ZUP1: variants seen among roughly 807,000 people sequenced by gnomAD.
ZUP1 encodes zinc finger-containing ubiquitin peptidase 1.
A neutral mutation model predicts 68.1 loss-of-function variants in ZUP1; 55 were observed. That is an observed-to-expected ratio of 0.81 (90% CI 0.65 to 1.01). The LOEUF (loss-of-function observed/expected upper bound fraction) is 1.01. Among genes scored for constraint, ZUP1 ranks in the 50% least tolerant of loss-of-function variants. ZUP1 has a pLI of 0.00. For synonymous variants in ZUP1, 223 were observed against 221.5 expected (o/e 1.01, Z -0.06); for missense variants, 684 against 674.9 (o/e 1.01, Z -0.15).
chr6:116,640,473 G>C (rs7755942), intron 9 of ZUP1, among the ~76,000 whole-genome samples: 54,806 of 151,490 alleles, frequency 0.36, 10,535 homozygotes, highest in African/African-American at 0.49. Flanking sequence ...AAGCCCATCA[G>C]ACTAACAGCG....
chr6:116,666,669 G>A lies in ZUP1; in HGVS notation c.524C>T (p.Thr175Ile), dbSNP rs771974686. Residue 175 changes from threonine (T) to isoleucine (I), a missense_variant, in exon 2 of 10, where the codon ACA (threonine) becomes ATA (isoleucine). Transcript: ENST00000368576. ...HSEDMETHVKTKHANLLDIPL... is the reference protein window; with the variant it reads ...HSEDMETHVKIKHANLLDIPL... ...AATGTCTAAAAGATTGGCATGCTTT[G>A]TTTTCACATGAGTTTCCATATCTTC... is the stretch of plus-strand genomic sequence containing the variant. 1.1e-5 allele frequency: 17 copies of A among 1,594,968 alleles called. No individual in the cohort carries two copies. The highest frequency in any genetic ancestry group is 3.3e-4 in the Middle Eastern group (2 of 5,994).
intron 9 of ZUP1, among the ~76,000 whole-genome samples, chr6:116,637,565 C>A (rs1775941439): frequency 6.6e-6 from 1 of 152,184 alleles, no homozygotes; most frequent in Admixed American, 6.5e-5. Context: ...GCAGAAAGCA[C>A]ATTTTTAGTA....
At chr6:116,638,728 A>G (rs1412241280) in intron 9 of ZUP1, among the ~76,000 whole-genome samples, 2 of 152,236 alleles carry the variant, frequency 1.3e-5, no homozygotes, top group Non-Finnish European at 2.9e-5. Flanking sequence ...GAATAGGAAC[A>G]GCTCCGGTCT....
intron 9 of ZUP1, among the ~76,000 whole-genome samples, chr6:116,642,238 G>A (rs1389157280): frequency 6.6e-6 from 1 of 152,112 alleles, no homozygotes; most frequent in Non-Finnish European, 1.5e-5. Context: ...TGGATTCACA[G>A]CCGAATTCTA....
intron 7 of ZUP1, among the ~76,000 whole-genome samples, chr6:116,649,858 T>C (rs534658925): frequency 3.1e-4 from 47 of 152,136 alleles, no homozygotes; most frequent in African/African-American, 1.0e-3. Flanking sequence ...ACTAAGGATT[T>C]CCAAAATTAA....
At position 116,651,657 on chromosome 6, in the gene ZUP1, A is replaced by C. The variant is rs764632548; in HGVS notation, c.1231T>G (p.Ser411Ala). The change falls in exon 7 of 10, where the codon TCT becomes GCT. Residue 411 changes from serine to alanine, a missense_variant. Ser to Ala is a moderately conservative substitution (Grantham distance 99). Transcript: ENST00000368576. ...WKEGFDPQGA[S>A]QLNNRLQGTK... ...CCCTGTAACCTGTTATTAAGTTGAG[A>C]GGCCCCCTGAGGATCAAAACCTTCC... 3.7e-6 allele frequency: 6 copies of C among 1,613,864 alleles called. No homozygotes were observed. The highest frequency in any genetic ancestry group is 5.1e-6 in the Non-Finnish European group (6 of 1,179,824).
At chr6:116,659,178 G>A (rs1328607858) in intron 3 of ZUP1, among the ~76,000 whole-genome samples, 1 of 152,180 alleles carries the variant, frequency 6.6e-6, no homozygotes, top group Admixed American at 6.5e-5. Context: ...TGCCCAGGCT[G>A]GAGTACAATG....
rs185501129 is a variant in ZUP1 at position 116,659,975 on chromosome 6, A to G, written c.670+761T>C. Among the ~76,000 whole-genome samples the G allele has an allele frequency of 1.4e-3, 211 of 152,362 alleles. 1 individual carries two copies. The highest frequency in any genetic ancestry group is 4.5e-3 in the African/African-American group (187 of 41,582). On this transcript the variant is annotated intron_variant, in intron 3 of 9. Transcript: ENST00000368576. ...TTATCTACAGTGATTTACTTAGACCATATCTTTTTCTTATTACCCACTATA... is the reference window on the plus strand; with the variant it reads ...TTATCTACAGTGATTTACTTAGACCGTATCTTTTTCTTATTACCCACTATA...
At chr6:116,648,364 T>C (rs1453337735) in intron 7 of ZUP1, among the ~76,000 whole-genome samples, 3 of 152,234 alleles carry the variant, frequency 2.0e-5, no homozygotes, top group Non-Finnish European at 4.4e-5. Flanking sequence ...TTGTTTCTCT[T>C]GGCAATAAAA....
chr6:116,642,106 G>A (rs968003512), intron 9 of ZUP1, among the ~76,000 whole-genome samples: 9 of 152,026 alleles, frequency 5.9e-5, no homozygotes, highest in Admixed American at 2.6e-4. Flanking sequence ...TAAATTCCTC[G>A]AAACATACAT....
At chr6:116,658,777 A>C (rs773239427) in intron 4 of ZUP1, 26 bp downstream of exon 4, 2 of 1,538,000 alleles carry the variant, frequency 1.3e-6, no homozygotes, top group East Asian at 4.5e-5. Flanking sequence ...AAATCAAAAT[A>C]TTATAATTGT....
chr6:116,664,017 T>A (rs1250411854), intron 2 of ZUP1, among the ~76,000 whole-genome samples: 2 of 152,126 alleles, frequency 1.3e-5, no homozygotes, highest in Non-Finnish European at 2.9e-5. Flanking sequence ...CTATAAAAAT[T>A]GATAGTGTTT....
intron 9 of ZUP1, among the ~76,000 whole-genome samples, chr6:116,639,203 G>A (rs1362677772): frequency 6.6e-6 from 1 of 152,246 alleles, no homozygotes; most frequent in Non-Finnish European, 1.5e-5. Flanking sequence ...ACTGGGTGGA[G>A]CCCACCACAG....
intron 5 of ZUP1, among the ~76,000 whole-genome samples, chr6:116,652,859 T>C (rs1423944331): frequency 1.3e-5 from 2 of 152,108 alleles, no homozygotes; most frequent in Non-Finnish European, 2.9e-5. Context: ...ATCTATGTTA[T>C]ATGAAGTCTA....
In ZUP1 at chr6:116,635,773, C is replaced by G; in HGVS notation, c.*59G>C. The G allele has an allele frequency of 7.2e-7, 1 of 1,394,294 alleles. No homozygotes were observed. Among genetic ancestry groups the G allele is most frequent in the Non-Finnish European group, 9.9e-7 (1 of 1,010,312 alleles). The allele number at this position is 1,394,294 out of a possible 1,614,324, so 86.4% of individuals were successfully genotyped here. ...ATAATTGTATTAAGGAGTTCAATAT[C>G]TACATTTAGAAAACAAAGTATTGTT... On this transcript the variant is annotated 3_prime_UTR_variant, in exon 10 of 10. Transcript: ENST00000368576.
In ZUP1 at chr6:116,654,057, C is replaced by T. The variant is rs553367610; in HGVS notation, c.962-1865G>A. Among the ~76,000 whole-genome samples, 7 of 151,922 alleles carry T rather than the reference C, an allele frequency of 4.6e-5. No homozygotes were observed. In the East Asian group the frequency reaches 7.7e-4, roughly 17 times the overall value. ...CTTAAATTAACACTTGCATAATTAA[C>T]GAAAAATAAAAATCTCTGCCACTAA... On this transcript the variant is annotated intron_variant, in intron 5 of 9. Coordinates refer to ENST00000368576, the MANE Select transcript of ZUP1 (RefSeq NM_145062.3).
At chr6:116,652,233 T>G (rs1478280481) in intron 5 of ZUP1, 41 bp from the exon 6 acceptor site, 2 of 1,498,606 alleles carry the variant, frequency 1.3e-6, no homozygotes, top group Non-Finnish European at 1.8e-6. Flanking sequence ...ATTATCACCT[T>G]TATATTGCTA....
chr6:116,667,049 G>C lies in ZUP1; in HGVS notation c.144C>G (p.Ile48Met), dbSNP rs1583383465. The C allele has an allele frequency of 5.6e-6, 9 of 1,613,580 alleles. No individual in the cohort carries two copies. The highest frequency in any genetic ancestry group is 7.6e-6 in the Non-Finnish European group (9 of 1,179,822). ...TATTCTGCTCAAAATGAGCTGTTTC[G>C]ATATGAAAACACATTTCATCATAAT... ...GVNYDEMCFH[I>M]ETAHFEQNTL... Residue 48 changes from isoleucine (I) to methionine (M), a missense_variant, in exon 2 of 10, where the codon ATC becomes ATG. Physicochemically the swap from Ile to Met is conservative, Grantham distance 10. Coordinates refer to ENST00000368576, the MANE Select transcript of ZUP1 (RefSeq NM_145062.3).
intron 7 of ZUP1, among the ~76,000 whole-genome samples, chr6:116,650,422 C>CAAAA (rs61692064): frequency 0.02 from 917 of 46,352 alleles, 77 homozygotes; most frequent in African/African-American, 0.066. Flanking sequence ...AACTCCGTCT[C>CAAAA]AAAAAAAAAA....
Sources: allele counts gnomAD v4.1 joint callset (sites outside exome capture counted in the v4.1 genomes callset), GRCh38; gene constraint gnomAD v4.1.1; transcripts MANE v1.5; gene names NCBI Gene and HGNC (gene_info 2026-07-23, HGNC 2026-07-21).